ECI2: variants seen among roughly 807,000 people sequenced by gnomAD.
ECI2 encodes enoyl-CoA delta isomerase 2.
In ECI2, 27 loss-of-function variants were observed where a neutral mutation model predicts 38.4. The ratio of observed to expected loss-of-function variants is 0.70; its 90% CI spans 0.52 to 0.97. The LOEUF is 0.97. Among genes scored for constraint, ECI2 ranks in the 50% least tolerant of loss-of-function variants. The pLI is 0.00. For synonymous variants in ECI2, 168 were observed against 172.0 expected (o/e 0.98, Z 0.18); for missense variants, 470 against 474.4 (o/e 0.99, Z 0.09).
rs781106818 is a variant in ECI2, at chr6:4,130,390, T to C, written c.483A>G (p.Lys161=). The C allele has an allele frequency of 8.1e-6, 13 of 1,614,242 alleles. No homozygotes were observed. The highest frequency in any genetic ancestry group is 1.7e-5 in the Admixed American group (1 of 60,028). The change falls in exon 4 of 10, where the codon AAA becomes AAG. Residue 161 remains lysine, a synonymous_variant. Coordinates refer to ENST00000380118, the MANE Select transcript of ECI2 (RefSeq NM_206836.3). ...ACATTACCTCAGTGTTTATGGCATTTTTCTTTTTGGGCCGGTTGAACATGA... is the reference window on the plus strand; with the variant it reads ...ACATTACCTCAGTGTTTATGGCATTCTTCTTTTTGGGCCGGTTGAACATGA... ...TKIMFNRPKK[K]NAINTEMYHE...
At position 4,130,167 on chromosome 6, in the gene ECI2, A is replaced by T. The variant is rs979820431; in HGVS notation, c.501+205T>A. 2.5e-6 allele frequency: 4 copies of T among 1,613,774 alleles called. No homozygotes were observed. In the African/African-American group the frequency reaches 4.0e-5, roughly 16 times the overall value. Reference sequence around the variant, plus strand: ...GAAAATCACAGTGCCTTCTGGGTATATCAGAACCTACCTGAAATTCACAAA... The same window carrying T: ...GAAAATCACAGTGCCTTCTGGGTATTTCAGAACCTACCTGAAATTCACAAA... On this transcript the variant is annotated intron_variant, in intron 4 of 9. Coordinates refer to ENST00000380118, the MANE Select transcript of ECI2 (RefSeq NM_206836.3).
rs1773147011 is a variant in ECI2, at chr6:4,126,211, T to C, written c.598A>G (p.Asn200Asp). 2.5e-6 allele frequency: 4 copies of C among 1,613,436 alleles called. No homozygotes were observed. The East Asian group carries it at 8.9e-5, about 36-fold the overall frequency. Residue 200 changes from asparagine (N) to aspartate (D), a missense_variant, in exon 6 of 10, where the codon AAT (asparagine) becomes GAT (aspartate). Asn to Asp is a conservative substitution (Grantham distance 23, BLOSUM62 1). Coordinates refer to ENST00000380118, the MANE Select transcript of ECI2 (RefSeq NM_206836.3). The part of the protein sequence containing the change: ...TGNGDYYSSG[N>D]DLTNFTDIPP... ...ATATCAGTGAAGTTAGTCAGATCATTCCCACTACTGTAATAGTCACCATTT... is the reference window on the plus strand; with the variant it reads ...ATATCAGTGAAGTTAGTCAGATCATCCCCACTACTGTAATAGTCACCATTT...
At position 4,126,148 on chromosome 6, in the gene ECI2, C is replaced by T. The variant is rs770688794; in HGVS notation, c.661G>A (p.Ala221Thr). ...AGTAACTCTTACCTCAGTAAAACGGCATTATTTTTAGCTTTCTCCTCTACT... is the reference window on the plus strand; with the variant it reads ...AGTAACTCTTACCTCAGTAAAACGGTATTATTTTTAGCTTTCTCCTCTACT... ...GGVEEKAKNN[A>T]VLLREFVGCF... Residue 221 changes from alanine (A) to threonine (T), a missense_variant, in exon 6 of 10, where the codon GCC becomes ACC. Transcript: ENST00000380118. 4.3e-6 allele frequency: 7 copies of T among 1,613,530 alleles called. No individual in the cohort carries two copies. The highest frequency in any genetic ancestry group is 1.6e-4 in the Middle Eastern group (1 of 6,080).
At chr6:4,123,962 T>TTA (rs1338845786) in intron 7 of ECI2, among the ~76,000 whole-genome samples, 4 of 150,646 alleles carry the variant, frequency 2.7e-5, no homozygotes, top group Admixed American at 2.0e-4. Flanking sequence ...CTCCCATCTC[T>TTA]TAAAAAAAAA....
chr6:4,135,346 G>C, intron 1 of ECI2, 165 bp downstream of exon 1: 1 of 1,480,510 alleles, frequency 6.8e-7, no homozygotes, highest in East Asian at 2.5e-5. Context: ...GGGCGCGCGT[G>C]AGGTCGTCAC....
chr6:4,121,941 T>C (rs766461212), intron 7 of ECI2: 21 of 1,537,204 alleles, frequency 1.4e-5, no homozygotes, highest in Non-Finnish European at 1.8e-5. Flanking sequence ...TCTTTTTTTA[T>C]CCAAAAGAAA....
In ECI2 at chr6:4,115,949, G is replaced by T. The variant is rs1378107162; in HGVS notation, c.1110C>A (p.Val370=). ...LHAVNAEECN[V]LQGRWLSDEC... ...CATCTGATAGCCATCTTCCCTGAAGGACATTGCATTCTTCAGCATTAACAG... is the reference window on the plus strand; with the variant it reads ...CATCTGATAGCCATCTTCCCTGAAGTACATTGCATTCTTCAGCATTAACAG... Residue 370 remains valine, a synonymous_variant, in exon 10 of 10, where the codon GTC becomes GTA. Transcript: ENST00000380118. 6.2e-7 allele frequency: 1 copy of T among 1,613,992 alleles called. No individual in the cohort carries two copies. Among genetic ancestry groups the T allele is most frequent in the Non-Finnish European group, 8.5e-7 (1 of 1,179,990 alleles).
At chr6:4,130,031 C>T in intron 4 of ECI2, 1 of 1,281,528 alleles carries the variant, frequency 7.8e-7, no homozygotes, top group Non-Finnish European at 1.1e-6. Flanking sequence ...GTCTAAGTGA[C>T]ATGAAGATAC....
intron 1 of ECI2, 194 bp downstream of exon 1, chr6:4,135,317 C>G: frequency 6.9e-7 from 1 of 1,444,982 alleles, no homozygotes; most frequent in East Asian, 2.6e-5. Flanking sequence ...CTGACCACTC[C>G]GGGCCCAGCG....
chr6:4,125,001 T>C, intron 7 of ECI2: 1 of 612,210 alleles, frequency 1.6e-6, no homozygotes, highest in South Asian at 1.6e-5. Flanking sequence ...GCTGTATACC[T>C]ATTGTGGAAT....
chr6:4,133,562 G>T lies in ECI2; in HGVS notation c.200C>A (p.Ala67Glu). 1 of 1,612,626 alleles carries T rather than the reference G, an allele frequency of 6.2e-7. No individual in the cohort carries two copies. The highest frequency in any genetic ancestry group is 8.5e-7 in the Non-Finnish European group (1 of 1,179,414). ...PGNEVKLKLY[A>E]LYKQATEGPC... is the part of the protein sequence containing the mutation. ...GTAGGCATTTACCTGCTTATATAGC[G>T]CGTAGAGTTTTAGCTTCACTTCGTT... The change falls in exon 2 of 10, where the codon GCG (alanine) becomes GAG (glutamate). Residue 67 changes from alanine to glutamate, a missense_variant. Physicochemically the swap from Ala to Glu is moderately radical, Grantham distance 107. Coordinates refer to ENST00000380118, the MANE Select transcript of ECI2 (RefSeq NM_206836.3).
In ECI2 at chr6:4,125,319, G is replaced by C; in HGVS notation, c.726C>G (p.Val242=). The C allele has an allele frequency of 6.2e-7, 1 of 1,614,112 alleles. No individual in the cohort carries two copies. The highest frequency in any genetic ancestry group is 8.5e-7 in the Non-Finnish European group (1 of 1,180,022). Residue 242 remains valine, a synonymous_variant, in exon 7 of 10, where the codon GTC becomes GTG. Coordinates refer to ENST00000380118, the MANE Select transcript of ECI2 (RefSeq NM_206836.3). The part of the protein sequence containing the change: ...IDFPKPLIAV[V]NGPAVGISVT... ...CGGAGATGCCCACAGCTGGACCATTGACCACTGCAATCAGAGGCTTAGGAA... is the reference window on the plus strand; with the variant it reads ...CGGAGATGCCCACAGCTGGACCATTCACCACTGCAATCAGAGGCTTAGGAA...
rs1772234459 is a variant in ECI2 at position 4,115,972 on chromosome 6, C to T, written c.1087G>A (p.Val363Ile). The T allele has an allele frequency of 1.9e-6, 3 of 1,614,174 alleles. No individual in the cohort carries two copies. The highest frequency in any genetic ancestry group is 2.7e-5 in the African/African-American group (2 of 75,060). Residue 363 changes from valine (V) to isoleucine (I), a missense_variant, in exon 10 of 10, where the codon GTT becomes ATT. Coordinates refer to ENST00000380118, the MANE Select transcript of ECI2 (RefSeq NM_206836.3). ...AGGACATTGCATTCTTCAGCATTAA[C>T]AGCGTGTAGTTTTTCTCTCTCTCTT... Reference protein sequence around the residue: ...RKREREKLHAVNAEECNVLQG... With the variant: ...RKREREKLHAINAEECNVLQG...
Position 4,135,492 on chromosome 6 carries a change from G to C in ECI2, c.50+19C>G. ...CCTGCGGGCGACCATGGGCCGAACG[G>C]CCGGGACTCCAAGCTTACCTCGGAC... On this transcript the variant is annotated intron_variant, in intron 1 of 9. Transcript: ENST00000380118. 6.2e-7 allele frequency: 1 copy of C among 1,611,138 alleles called. No individual in the cohort carries two copies. The highest frequency in any genetic ancestry group is 8.5e-7 in the Non-Finnish European group (1 of 1,179,146).
intron 7 of ECI2, among the ~76,000 whole-genome samples, chr6:4,124,225 C>T (rs1005770342): frequency 2.0e-5 from 3 of 152,144 alleles, no homozygotes; most frequent in Admixed American, 6.5e-5. Context: ...CAGCCTGGCA[C>T]CTAGAATCTC....
chr6:4,132,145 T>G lies in ECI2; in HGVS notation c.214-1280A>C, dbSNP rs1168119202. Among the ~76,000 whole-genome samples the G allele has an allele frequency of 3.3e-5, 5 of 152,274 alleles. No homozygotes were observed. The East Asian group carries it at 9.7e-4, about 29-fold the overall frequency. The stretch of plus-strand genomic sequence containing the variant: ...TGTTAAACGCACAATTAATAGTTTA[T>G]TAAGGGAAAGGATAGAGATTAGAAT... On this transcript the variant is annotated intron_variant, in intron 2 of 9. Coordinates refer to ENST00000380118, the MANE Select transcript of ECI2 (RefSeq NM_206836.3).
intron 5 of ECI2, among the ~76,000 whole-genome samples, chr6:4,127,268 G>A (rs1043947724): frequency 5.9e-5 from 9 of 152,074 alleles, no homozygotes; most frequent in Non-Finnish European, 1.2e-4. Context: ...GTCTGCTCCT[G>A]TAAAAGTCTT....
intron 2 of ECI2, among the ~76,000 whole-genome samples, chr6:4,131,791 A>C (rs2114008156): frequency 6.6e-6 from 1 of 152,298 alleles, no homozygotes; most frequent in Middle Eastern, 3.4e-3. Flanking sequence ...TGGGAGGCAG[A>C]GGTTGCAGTG....
intron 2 of ECI2, among the ~76,000 whole-genome samples, chr6:4,132,845 A>G (rs1277480739): frequency 1.3e-5 from 2 of 152,080 alleles, no homozygotes; most frequent in Non-Finnish European, 2.9e-5. Context: ...GCTCATTGCA[A>G]CCTGCACCTC....
Sources: gnomAD v4.1 joint callset for allele counts (sites outside exome capture counted in the v4.1 genomes callset) on GRCh38, gnomAD v4.1.1 for gene constraint, MANE v1.5 for transcripts, NCBI Gene and HGNC (gene_info 2026-07-23, HGNC 2026-07-21) for gene names.